Variants in SEC22A observed in about 807,000 individuals in gnomAD.
The protein encoded by SEC22A is SEC22 homolog A, vesicle trafficking protein.
SEC22A carries 22 observed loss-of-function variants against 35.3 expected under a neutral mutation model. The observed-to-expected ratio is 0.62, with a 90% CI of 0.45 to 0.89. The LOEUF is 0.89. Among genes scored for constraint, SEC22A ranks in the 40% least tolerant of loss-of-function variants. The pLI is 0.00. For missense variants in SEC22A, 354 were observed against 362.5 expected (o/e 0.98, Z 0.19); for synonymous variants, 119 against 129.5 (o/e 0.92, Z 0.55).
chr3:123,204,835 C>A lies in SEC22A; in HGVS notation c.-20+2849C>A, dbSNP rs1007298559. ...AAAGGTGAGGAGAAATGGCCCAGTG[C>A]CCTAAACATTTATCTATGGCCCCGA... On this transcript the variant is annotated intron_variant, in intron 1 of 6. Transcript: ENST00000492595. The A allele has an allele frequency of 2.0e-5, 3 of 152,268 alleles. No homozygotes were observed. The East Asian group carries it at 5.8e-4, about 29-fold the overall frequency. The allele number at this position is 152,268 out of a possible 1,614,324, so 9.4% of individuals were successfully genotyped here. A position where few individuals can be genotyped will look rare whatever the true frequency, so the allele number is the denominator to read the frequency against.
chr3:123,209,127 G>A lies in SEC22A; in HGVS notation c.-19-72G>A. On this transcript the variant is annotated intron_variant, in intron 1 of 6. Coordinates refer to ENST00000492595, the MANE Select transcript of SEC22A (RefSeq NM_012430.5). The stretch of plus-strand genomic sequence containing the variant: ...ACTATTCTTATATTACTAGTAAGTT[G>A]AACATTTTTACATATGCTTATCAAG... 6 of 1,226,666 alleles carry A rather than the reference G, an allele frequency of 4.9e-6. No homozygotes were observed. The South Asian group carries it at 7.4e-5, about 15-fold the overall frequency. The allele number at this position is 1,226,666 out of a possible 1,614,324, so 76.0% of individuals were successfully genotyped here.
chr3:123,222,142 G>A (rs1241366327), intron 2 of SEC22A, among the ~76,000 whole-genome samples: 1 of 145,962 alleles, frequency 6.9e-6, no homozygotes, highest in Non-Finnish European at 1.5e-5. Flanking sequence ...TTTTTTTATT[G>A]CTTTTTGGCA....
intron 4 of SEC22A, among the ~76,000 whole-genome samples, chr3:123,227,063 G>A (rs1383681846): frequency 1.3e-5 from 2 of 152,110 alleles, no homozygotes; most frequent in African/African-American, 4.8e-5. Flanking sequence ...TTTAGTGATC[G>A]TCTGCTCAAA....
At chr3:123,270,637 T>C (rs9875230) in intron 6 of SEC22A, among the ~76,000 whole-genome samples, 44,783 of 152,076 alleles carry the variant, frequency 0.29, 7,667 homozygotes, top group African/African-American at 0.47. Context: ...CCTCATGAAA[T>C]AGATTCTGTT....
intron 4 of SEC22A, among the ~76,000 whole-genome samples, chr3:123,233,799 G>T (rs1178385075): frequency 1.1e-4 from 16 of 152,334 alleles, no homozygotes; most frequent in Middle Eastern, 6.8e-3. Flanking sequence ...AGACAAAGAT[G>T]TCTGCTTACA....
chr3:123,229,819 G>A (rs962257239), intron 4 of SEC22A, among the ~76,000 whole-genome samples: 2 of 151,580 alleles, frequency 1.3e-5, no homozygotes, highest in African/African-American at 2.4e-5. Flanking sequence ...CCGAGATCGC[G>A]CCACTGTGCT....
chr3:123,251,426 A>G (rs984053054), intron 5 of SEC22A, among the ~76,000 whole-genome samples: 9 of 152,188 alleles, frequency 5.9e-5, no homozygotes, highest in Admixed American at 5.9e-4. Context: ...TACCTGATCC[A>G]GGGAACTGTA....
chr3:123,235,521 T>C (rs1391170629), intron 4 of SEC22A, among the ~76,000 whole-genome samples: 1 of 152,118 alleles, frequency 6.6e-6, no homozygotes, highest in Non-Finnish European at 1.5e-5. Context: ...ATTAAAAAGA[T>C]AGACAATAAC....
intron 5 of SEC22A, among the ~76,000 whole-genome samples, chr3:123,254,104 C>T (rs1937668028): frequency 6.6e-6 from 1 of 152,002 alleles, no homozygotes; most frequent in Admixed American, 6.6e-5. Flanking sequence ...AGTAAATATT[C>T]CCTAATTATT....
At chr3:123,215,802 T>G (rs1224838691) in intron 2 of SEC22A, among the ~76,000 whole-genome samples, 1 of 152,164 alleles carries the variant, frequency 6.6e-6, no homozygotes, top group Non-Finnish European at 1.5e-5. Flanking sequence ...CCAATTCTTT[T>G]CACTTTTTAT....
At chr3:123,222,646 C>T (rs1461228846) in intron 2 of SEC22A, among the ~76,000 whole-genome samples, 1 of 152,116 alleles carries the variant, frequency 6.6e-6, no homozygotes, top group Admixed American at 6.5e-5. Flanking sequence ...ATTATGCATT[C>T]TCAGAATATT....
intron 6 of SEC22A, among the ~76,000 whole-genome samples, chr3:123,270,099 A>G (rs554183562): frequency 3.3e-5 from 5 of 152,304 alleles, no homozygotes; most frequent in Non-Finnish European, 5.9e-5. Flanking sequence ...TATTGAATCA[A>G]TGTTCATTTC....
At chr3:123,243,165 T>C (rs1937539406) in intron 4 of SEC22A, among the ~76,000 whole-genome samples, 1 of 146,366 alleles carries the variant, frequency 6.8e-6, no homozygotes, top group Non-Finnish European at 1.5e-5. Context: ...AATTCCAGAA[T>C]CATCTAAATC....
In SEC22A at chr3:123,215,682, T is replaced by C. The variant is rs549082816; in HGVS notation, c.182+6283T>C. The stretch of plus-strand genomic sequence containing the variant: ...AACGTCACAAAAATAGTAAATGATA[T>C]ATATGAACCACAATCTTTTGGATTC... On this transcript the variant is annotated intron_variant, in intron 2 of 6. Transcript: ENST00000492595. Among the ~76,000 whole-genome samples the C allele has an allele frequency of 6.6e-5, 10 of 152,276 alleles. No homozygotes were observed. The South Asian group carries it at 1.9e-3, about 28-fold the overall frequency.
chr3:123,255,235 C>G (rs1299339091), intron 5 of SEC22A, among the ~76,000 whole-genome samples: 2 of 152,178 alleles, frequency 1.3e-5, no homozygotes, highest in Admixed American at 1.3e-4. Flanking sequence ...TGACAAATCT[C>G]TCATCCGTTC....
intron 4 of SEC22A, among the ~76,000 whole-genome samples, chr3:123,242,845 G>C (rs1937536475): frequency 6.6e-6 from 1 of 152,144 alleles, no homozygotes; most frequent in Non-Finnish European, 1.5e-5. Context: ...ATTCTGAAGG[G>C]TAAATGAGAC....
intron 4 of SEC22A, among the ~76,000 whole-genome samples, chr3:123,237,068 A>G (rs1417570448): frequency 6.6e-6 from 1 of 152,194 alleles, no homozygotes; most frequent in Non-Finnish European, 1.5e-5. Flanking sequence ...CTGTTAGTAT[A>G]ACACATGAAA....
chr3:123,257,941 A>G (rs1211048800), intron 5 of SEC22A, among the ~76,000 whole-genome samples: 1 of 150,360 alleles, frequency 6.7e-6, no homozygotes, highest in African/African-American at 2.5e-5. Context: ...GCAGTGAGCC[A>G]AGATTGTGCC....
intron 2 of SEC22A, 53 bp downstream of exon 2, chr3:123,209,452 A>G: frequency 6.8e-7 from 1 of 1,461,232 alleles, no homozygotes; most frequent in Non-Finnish European, 9.4e-7. Context: ...TTGTCATTTT[A>G]ATGAAGTTTA....
Sources: gnomAD v4.1 joint callset for allele counts (sites outside exome capture counted in the v4.1 genomes callset) on GRCh38, gnomAD v4.1.1 for gene constraint, MANE v1.5 for transcripts, NCBI Gene and HGNC (gene_info 2026-07-23, HGNC 2026-07-21) for gene names.